Variants in ALG14 observed in about 807,000 individuals in gnomAD.
ALG14 encodes the protein UDP-N-acetylglucosamine transferase subunit ALG14.
A neutral mutation model predicts 22.8 loss-of-function variants in ALG14; 17 were observed. The observed-to-expected ratio is 0.75, with a 90% CI of 0.51 to 1.12. ALG14 has a LOEUF of 1.12. Among genes scored for constraint, ALG14 ranks in the 50% most tolerant of loss-of-function variants. ALG14 has a pLI of 0.00. For missense variants in ALG14, 288 were observed against 271.8 expected (o/e 1.06, Z -0.42); for synonymous variants, 89 against 103.7 (o/e 0.86, Z 0.86).
rs1219888213 is a variant in ALG14 at position 94,975,734 on chromosome 1, C to T, written c.*7342G>A. The T allele has an allele frequency of 6.6e-6, 1 of 152,418 alleles. No individual in the cohort carries two copies. The highest frequency in any genetic ancestry group is 1.9e-4 in the East Asian group (1 of 5,200). 9.4% of individuals were successfully genotyped at this position (152,418 alleles called of 1,614,324 possible). A position where few individuals can be genotyped will look rare whatever the true frequency, so the allele number is the denominator to read the frequency against. On this transcript the variant is annotated 3_prime_UTR_variant, in exon 4 of 4. Coordinates refer to ENST00000370205, the MANE Select transcript of ALG14 (RefSeq NM_144988.4). ...AGAGCCTCCTGGCCGGGCGCAGTGG[C>T]TCACGCCTGTAATCCCAGCACTTTG... is the stretch of plus-strand genomic sequence containing the variant.
chr1:95,016,940 GGGGTGTGTGTGTGTGT>G (rs1340787446), intron 3 of ALG14, among the ~76,000 whole-genome samples: 12 of 118,516 alleles, frequency 1.0e-4, no homozygotes, highest in African/African-American at 3.9e-4. Context: ...TTTTGCAAAA[GGGGTGTGTGTGTGTGT>G]GTGTGTGTGT....
In ALG14 at chr1:94,979,306, A is replaced by AG. The variant is rs1672455258; in HGVS notation, c.*3769_*3770insC. 1 of 149,952 alleles carries AG rather than the reference A, an allele frequency of 6.7e-6. No homozygotes were observed. Among genetic ancestry groups the AG allele is most frequent in the Non-Finnish European group, 1.5e-5 (1 of 67,738 alleles). 9.3% of individuals were successfully genotyped at this position (149,952 alleles called of 1,614,324 possible). On this transcript the variant is annotated 3_prime_UTR_variant, in exon 4 of 4. Coordinates refer to ENST00000370205, the MANE Select transcript of ALG14 (RefSeq NM_144988.4). Reference sequence around the variant, plus strand: ...GACTGTCTCGAAAAAAAAAAAAAAAAAAAAAAAAGAAAGAAAAAAGTGAAA... The same window carrying AG: ...GACTGTCTCGAAAAAAAAAAAAAAAAGAAAAAAAAGAAAGAAAAAAGTGAAA...
In ALG14 at chr1:94,980,838, C is replaced by T. The variant is rs1162354041; in HGVS notation, c.*2238G>A. The T allele has an allele frequency of 6.6e-6, 1 of 152,222 alleles. No homozygotes were observed. Among genetic ancestry groups the T allele is most frequent in the African/African-American group, 2.4e-5 (1 of 41,450 alleles). The allele number at this position is 152,222 out of a possible 1,614,324, so 9.4% of individuals were successfully genotyped here. On this transcript the variant is annotated 3_prime_UTR_variant, in exon 4 of 4. Transcript: ENST00000370205. ...GTGATATAACACATACACATTCTTT[C>T]TCTGACATTCCAGGCTAACCACTGT...
chr1:95,025,996 G>A (rs1197280216), intron 3 of ALG14, among the ~76,000 whole-genome samples: 5 of 151,842 alleles, frequency 3.3e-5, no homozygotes, highest in African/African-American at 9.7e-5. Context: ...GCAGTGGTGC[G>A]ATCTCGGCTC....
intron 3 of ALG14, among the ~76,000 whole-genome samples, chr1:94,999,619 T>C (rs747711593): frequency 1.3e-4 from 20 of 152,120 alleles, no homozygotes; most frequent in Non-Finnish European, 2.8e-4. Flanking sequence ...TCCAGCTCCC[T>C]CCTGAGGGAC....
Position 95,008,189 on chromosome 1 carries a change from G to C in ALG14, c.420+18940C>G, listed in dbSNP as rs553445280. Among the ~76,000 whole-genome samples, 28 of 152,278 alleles carry C rather than the reference G, an allele frequency of 1.8e-4. No individual in the cohort carries two copies. The South Asian group carries it at 4.6e-3, about 25-fold the overall frequency. On this transcript the variant is annotated intron_variant, in intron 3 of 3. Coordinates refer to ENST00000370205, the MANE Select transcript of ALG14 (RefSeq NM_144988.4). ...AGTCTAGGGGCTCACGGAAATACAA[G>C]TCCCTAACTCCTAGATTCCCCACAG... is the stretch of plus-strand genomic sequence containing the variant.
chr1:94,986,573 C>T lies in ALG14; in HGVS notation c.421-3267G>A, dbSNP rs1168585510. Among the ~76,000 whole-genome samples, 6 of 152,032 alleles carry T rather than the reference C, an allele frequency of 3.9e-5. No homozygotes were observed. The South Asian group carries it at 6.2e-4, about 16-fold the overall frequency. On this transcript the variant is annotated intron_variant, in intron 3 of 3. Transcript: ENST00000370205. ...CTGCAACCTCTGACTCCCTGGTTCACGTGATTCTCCTGCCTCAGCCTCCCG... is the reference window on the plus strand; with the variant it reads ...CTGCAACCTCTGACTCCCTGGTTCATGTGATTCTCCTGCCTCAGCCTCCCG...
chr1:95,040,058 A>G (rs1674331216), intron 2 of ALG14, among the ~76,000 whole-genome samples: 1 of 151,898 alleles, frequency 6.6e-6, no homozygotes, highest in South Asian at 2.1e-4. Context: ...TGTGGTCCCA[A>G]CTACTGGGGA....
At chr1:95,007,806 A>C (rs1673258887) in intron 3 of ALG14, among the ~76,000 whole-genome samples, 3 of 152,268 alleles carry the variant, frequency 2.0e-5, no homozygotes, top group African/African-American at 7.2e-5. Flanking sequence ...GACTTCAAGA[A>C]GTGGGAGACA....
chr1:95,055,522 G>C (rs1052217875), intron 2 of ALG14, among the ~76,000 whole-genome samples: 9 of 151,976 alleles, frequency 5.9e-5, no homozygotes, highest in African/African-American at 2.2e-4. Flanking sequence ...GCATTAAGGA[G>C]ATCTAAACAA....
At chr1:95,039,927 C>T (rs897303943) in intron 2 of ALG14, among the ~76,000 whole-genome samples, 1 of 152,030 alleles carries the variant, frequency 6.6e-6, no homozygotes, top group African/African-American at 2.4e-5. Context: ...AATCTCAACA[C>T]TTTGGGAGGC....
In ALG14 at chr1:94,975,857, CA is replaced by C. The variant is rs904185781; in HGVS notation, c.*7218del. ...CTACTAAAAATACAAAAAAAACAAACAAAAAAAAAATTAGCCGGGCGTGGTG... is the reference window on the plus strand; with the variant it reads ...CTACTAAAAATACAAAAAAAACAAACAAAAAAAAATTAGCCGGGCGTGGTG... On this transcript the variant is annotated 3_prime_UTR_variant, in exon 4 of 4. Coordinates refer to ENST00000370205, the MANE Select transcript of ALG14 (RefSeq NM_144988.4). 6.2e-4 allele frequency: 91 copies of C among 146,792 alleles called. No homozygotes were observed. Among genetic ancestry groups the C allele is most frequent in the Admixed American group, 1.5e-3 (22 of 14,702 alleles). 9.1% of individuals were successfully genotyped at this position (146,792 alleles called of 1,614,324 possible).
intron 2 of ALG14, among the ~76,000 whole-genome samples, chr1:95,054,497 C>A (rs553501813): frequency 1.1e-4 from 16 of 152,170 alleles, no homozygotes; most frequent in South Asian, 8.3e-4. Flanking sequence ...GCCAATTAAA[C>A]CTCTCTTCTT....
At chr1:94,985,438 T>C (rs1198760238) in intron 3 of ALG14, among the ~76,000 whole-genome samples, 1 of 152,226 alleles carries the variant, frequency 6.6e-6, no homozygotes, top group Non-Finnish European at 1.5e-5. Flanking sequence ...CTGCCAAATG[T>C]CTCCAGTTGA....
At position 94,978,577 on chromosome 1, in the gene ALG14, G is replaced by C. The variant is rs796780785; in HGVS notation, c.*4499C>G. 35 of 152,306 alleles carry C rather than the reference G, an allele frequency of 2.3e-4. No individual in the cohort carries two copies. The highest frequency in any genetic ancestry group is 8.2e-4 in the African/African-American group (34 of 41,562). 9.4% of individuals were successfully genotyped at this position (152,306 alleles called of 1,614,324 possible). On this transcript the variant is annotated 3_prime_UTR_variant, in exon 4 of 4. Transcript: ENST00000370205. ...ATAACTCAGCACTAACCTTTGGTAT[G>C]GGTGGCTATGTCACAGAGTTATTTA...
chr1:95,037,698 C>T (rs971088317), intron 2 of ALG14, among the ~76,000 whole-genome samples: 1 of 152,174 alleles, frequency 6.6e-6, no homozygotes, highest in African/African-American at 2.4e-5. Flanking sequence ...AGGTTTATGT[C>T]ACTTGAAGTT....
chr1:95,009,430 G>T (rs768637867), intron 3 of ALG14, among the ~76,000 whole-genome samples: 13 of 152,058 alleles, frequency 8.5e-5, no homozygotes, highest in Non-Finnish European at 1.5e-4. Context: ...TGTAGTGAAG[G>T]AAGGAGGAAT....
chr1:95,013,738 C>G (rs535834013), intron 3 of ALG14, among the ~76,000 whole-genome samples: 152 of 152,194 alleles, frequency 1.0e-3, no homozygotes, highest in African/African-American at 3.5e-3. Context: ...CAAAAGAGGT[C>G]AAACAATTAC....
intron 2 of ALG14, 90 bp downstream of exon 2, chr1:95,064,776 G>A (rs1571680084): frequency 2.7e-4 from 317 of 1,185,594 alleles, no homozygotes; most frequent in Non-Finnish European, 1.2e-6. Context: ...ATTGTGGGTA[G>A]GGCACTGAAG....
Sources: gnomAD v4.1 joint callset for allele counts (sites outside exome capture counted in the v4.1 genomes callset) on GRCh38, gnomAD v4.1.1 for gene constraint, MANE v1.5 for transcripts, NCBI Gene and HGNC (gene_info 2026-07-23, HGNC 2026-07-21) for gene names.